ATP10D: variants seen among roughly 807,000 people sequenced by gnomAD.
ATP10D encodes the protein phospholipid-transporting ATPase VD.
In ATP10D, 89 loss-of-function variants were observed where a neutral mutation model predicts 144.8. The ratio of observed to expected loss-of-function variants is 0.61; its 90% CI spans 0.52 to 0.73. ATP10D has a LOEUF of 0.73. Ranked by LOEUF, ATP10D falls within the 30% of genes least tolerant of loss-of-function variation. The pLI is 0.00. For missense variants in ATP10D, 1,603 were observed against 1,714.8 expected, an observed-to-expected ratio of 0.93 and a Z score of 1.15; for synonymous variants, 571 against 615.1, an observed-to-expected ratio of 0.93 and a Z score of 1.06.
rs956916668 is a variant in ATP10D, at chr4:47,497,520, G to A, written c.-38+12001G>A. On this transcript the variant is annotated intron_variant, in intron 1 of 22. Transcript: ENST00000273859. ...GTTAGGGTGATACTGAAACAATGGGGCAGAGTCCACAGATTAGCTCAAATA... is the reference window on the plus strand; with the variant it reads ...GTTAGGGTGATACTGAAACAATGGGACAGAGTCCACAGATTAGCTCAAATA... Among the ~76,000 whole-genome samples, 6 of 152,172 alleles carry A rather than the reference G, an allele frequency of 3.9e-5. No homozygotes were observed. In the East Asian group the frequency reaches 1.2e-3, roughly 29 times the overall value.
intron 3 of ATP10D, among the ~76,000 whole-genome samples, chr4:47,521,682 A>C (rs1350480601): frequency 6.6e-6 from 1 of 152,112 alleles, no homozygotes; most frequent in Non-Finnish European, 1.5e-5. Flanking sequence ...GGCATGGAGG[A>C]CCGAACTGTC....
At position 47,554,710 on chromosome 4, in the gene ATP10D, C is replaced by A. The variant is rs371636472; in HGVS notation, c.1636-16C>A. On this transcript the variant is annotated splice_polypyrimidine_tract_variant and intron_variant, in intron 10 of 22. Coordinates refer to ENST00000273859, the MANE Select transcript of ATP10D (RefSeq NM_020453.4). ...TATACTTCTTATAACAACACACTGT[C>A]TTATTGGATCTTCAGGAAACAGACG... 55 of 1,594,040 alleles carry A rather than the reference C, an allele frequency of 3.5e-5. No homozygotes were observed. Among genetic ancestry groups the A allele is most frequent in the Admixed American group, 8.7e-5 (5 of 57,608 alleles).
chr4:47,506,340 T>C (rs1184952227), intron 1 of ATP10D, among the ~76,000 whole-genome samples: 3 of 151,538 alleles, frequency 2.0e-5, no homozygotes, highest in Non-Finnish European at 2.9e-5. Flanking sequence ...GGAAGTATTT[T>C]GTAAACAGTA....
At chr4:47,495,856 G>A (rs377759442) in intron 1 of ATP10D, among the ~76,000 whole-genome samples, 101 of 151,782 alleles carry the variant, frequency 6.7e-4, no homozygotes, top group African/African-American at 2.1e-3. Flanking sequence ...TTCTGCCTCA[G>A]CCTCCCCAGC....
intron 1 of ATP10D, among the ~76,000 whole-genome samples, 155 bp from the exon 2 acceptor site, chr4:47,512,349 G>A (rs957291345): frequency 2.6e-5 from 4 of 152,180 alleles, no homozygotes; most frequent in Admixed American, 2.6e-4. Flanking sequence ...GCTTTATTTG[G>A]TTAAAATGGA....
chr4:47,542,553 C>T (rs1718192842), intron 9 of ATP10D, among the ~76,000 whole-genome samples: 1 of 152,214 alleles, frequency 6.6e-6, no homozygotes, highest in African/African-American at 2.4e-5. Context: ...TCTTGGCTCA[C>T]TGCAACCCCT....
At chr4:47,544,114 A>G (rs914627257) in intron 9 of ATP10D, among the ~76,000 whole-genome samples, 3 of 152,222 alleles carry the variant, frequency 2.0e-5, no homozygotes, top group African/African-American at 7.2e-5. Flanking sequence ...GGAGTTTAAT[A>G]GAACTGATTT....
At chr4:47,589,626 CT>C (rs1199350506) in intron 22 of ATP10D, among the ~76,000 whole-genome samples, 8 of 152,070 alleles carry the variant, frequency 5.3e-5, no homozygotes, top group African/African-American at 1.7e-4. Flanking sequence ...GTGTTTCTTT[CT>C]TTCCAATACA....
chr4:47,569,275 G>A (rs932806084), intron 16 of ATP10D, 129 bp downstream of exon 16: 16 of 1,070,338 alleles, frequency 1.5e-5, no homozygotes, highest in Non-Finnish European at 2.0e-5. Context: ...CCACATTCAT[G>A]CCTTCCCATC....
intron 3 of ATP10D, among the ~76,000 whole-genome samples, chr4:47,519,305 G>A (rs1469485423): frequency 6.6e-6 from 1 of 152,086 alleles, no homozygotes; most frequent in Non-Finnish European, 1.5e-5. Context: ...TTTTCCCAAT[G>A]CTTGTGTAGC....
At chr4:47,514,314 T>C (rs1444535725) in intron 2 of ATP10D, among the ~76,000 whole-genome samples, 1 of 152,202 alleles carries the variant, frequency 6.6e-6, no homozygotes, top group Admixed American at 6.5e-5. Flanking sequence ...GTTTGGAATC[T>C]AGTGTACCCA....
At chr4:47,494,639 T>A (rs6447558) in intron 1 of ATP10D, among the ~76,000 whole-genome samples, 3 of 151,736 alleles carry the variant, frequency 2.0e-5, no homozygotes, top group African/African-American at 7.3e-5. Context: ...TTAGAAATAA[T>A]CAGAAAGAAT....
Position 47,568,824 on chromosome 4 carries a change from CTCT to C in ATP10D, c.2854-11_2854-9del. 1 of 1,606,352 alleles carries C rather than the reference CTCT, an allele frequency of 6.2e-7. No homozygotes were observed. Among genetic ancestry groups the C allele is most frequent in the South Asian group, 1.1e-5 (1 of 90,448 alleles). ...GCGCCTGGAGGCTAACCACCTTTGC[CTCT>C]TGTTTCAAGGATGCCTGTGGGATGC... is the stretch of plus-strand genomic sequence containing the variant. On this transcript the variant is annotated splice_polypyrimidine_tract_variant and intron_variant, in intron 15 of 22. Transcript: ENST00000273859.
At chr4:47,509,050 A>G (rs1716172821) in intron 1 of ATP10D, among the ~76,000 whole-genome samples, 1 of 152,220 alleles carries the variant, frequency 6.6e-6, no homozygotes, top group Non-Finnish European at 1.5e-5. Flanking sequence ...AAGTACTAAC[A>G]TACTTTTAAC....
At position 47,512,658 on chromosome 4, in the gene ATP10D, T is replaced by A; in HGVS notation, c.118T>A (p.Ser40Thr). The A allele has an allele frequency of 6.2e-7, 1 of 1,614,048 alleles. No homozygotes were observed. Among genetic ancestry groups the A allele is most frequent in the Non-Finnish European group, 8.5e-7 (1 of 1,180,012 alleles). ...CTCGTTGCTCGCCTGTGGGCGCAAG[T>A]CCTCTCAGACCCCTAAACTGTCAGG... is the stretch of plus-strand genomic sequence containing the variant. ...YSSLLACGRK[S>T]SQTPKLSGRH... The change falls in exon 2 of 23, where the codon TCC becomes ACC. Residue 40 changes from serine to threonine, a missense_variant. Transcript: ENST00000273859.
intron 14 of ATP10D, among the ~76,000 whole-genome samples, chr4:47,562,577 T>A (rs983871601): frequency 1.3e-5 from 2 of 152,206 alleles, no homozygotes; most frequent in African/African-American, 4.8e-5. Flanking sequence ...AAGGGAACGC[T>A]TATATACTGC....
At position 47,584,538 on chromosome 4, in the gene ATP10D, G is replaced by T. The variant is rs565075131; in HGVS notation, c.3753+2474G>T. 1.1e-4 allele frequency among the ~76,000 whole-genome samples: 16 copies of T among 151,994 alleles called. No individual in the cohort carries two copies. The South Asian group carries it at 1.9e-3, about 18-fold the overall frequency. ...CTCCCGAGTAGCTGGGACTACAGGC[G>T]CCCACCACCACGCCCCGCTAATTTT... On this transcript the variant is annotated intron_variant, in intron 21 of 22. Transcript: ENST00000273859.
At chr4:47,488,617 A>C (rs1419424778) in intron 1 of ATP10D, among the ~76,000 whole-genome samples, 9 of 130,560 alleles carry the variant, frequency 6.9e-5, no homozygotes, top group African/African-American at 3.5e-4. Flanking sequence ...ATAAGCAAAA[A>C]AAAAAAAAAA....
chr4:47,584,418 A>G (rs556466095), intron 21 of ATP10D, among the ~76,000 whole-genome samples: 3 of 152,092 alleles, frequency 2.0e-5, no homozygotes, highest in African/African-American at 7.2e-5. Context: ...TTTGAGACAG[A>G]GTCTTGCTCT....
Sources: gnomAD v4.1 joint callset for allele counts (sites outside exome capture counted in the v4.1 genomes callset) on GRCh38, gnomAD v4.1.1 for gene constraint, MANE v1.5 for transcripts, NCBI Gene and HGNC (gene_info 2026-07-23, HGNC 2026-07-21) for gene names.